Variants in KMT2E observed in about 807,000 individuals in gnomAD.
The protein encoded by KMT2E is lysine methyltransferase 2E (inactive), also known as histone reader KMT2E.
Under a neutral mutation model 184.6 loss-of-function variants are expected in KMT2E, and 30 were observed. That is an observed-to-expected ratio of 0.16 (90% CI 0.12 to 0.22). KMT2E has a LOEUF of 0.22. KMT2E is among the 10% of genes least tolerant of loss of function. The pLI is 1.00. For missense variants in KMT2E, 2,023 were observed against 2,237.4 expected (o/e 0.90, Z 1.93); for synonymous variants, 815 against 776.5 (o/e 1.05, Z -0.82).
In KMT2E at chr7:105,112,534, C is replaced by T. The variant is rs111828689; in HGVS notation, c.4778C>T (p.Thr1593Ile). Reference sequence around the variant, plus strand: ...GGACCAAATCAAGCACTTCCTGGCACCACAAGCCAGCAAACAGTTCCAGGA... The same window carrying T: ...GGACCAAATCAAGCACTTCCTGGCATCACAAGCCAGCAAACAGTTCCAGGA... ...TSGPNQALPG[T>I]TSQQTVPGHH... Residue 1593 changes from threonine to isoleucine, a missense_variant, in exon 27 of 27, where the codon ACC becomes ATC. By Grantham distance (89) the Thr-to-Ile change is moderately conservative. Transcript: ENST00000311117. 5.0e-6 allele frequency: 8 copies of T among 1,613,964 alleles called. No homozygotes were observed. The African/African-American group carries it at 8.0e-5, about 16-fold the overall frequency.
rs748014896 is a variant in KMT2E, at chr7:105,111,969, T to C, written c.4213T>C (p.Ser1405Pro). 3.1e-6 allele frequency: 5 copies of C among 1,614,122 alleles called. No individual in the cohort carries two copies. In the East Asian group the frequency reaches 8.9e-5, roughly 29 times the overall value. The stretch of plus-strand genomic sequence containing the variant: ...AACAGAGCTCCAACAAAAACAGCTA[T>C]CAAATAACAACCAAGCACTTTCAAA... Reference protein sequence around the residue: ...LKTELQQKQLSNNNQALSKNH... With the variant: ...LKTELQQKQLPNNNQALSKNH... Residue 1405 changes from serine (S) to proline (P), a missense_variant, in exon 27 of 27, where the codon TCA becomes CCA. Physicochemically the swap from Ser to Pro is moderately conservative, Grantham distance 74 (BLOSUM62 -1). This residue lies in a region of KMT2E where 1,108 missense variants were observed against 1,050.9 expected (regional missense o/e 1.05). Transcript: ENST00000311117.
intron 3 of KMT2E, among the ~76,000 whole-genome samples, chr7:105,057,203 T>C (rs1215861944): frequency 6.6e-6 from 1 of 152,148 alleles, no homozygotes; most frequent in Non-Finnish European, 1.5e-5. Flanking sequence ...GCCCAGGACA[T>C]CTTTGTGAGT....
At chr7:105,043,709 T>G (rs1795984522) in intron 3 of KMT2E, among the ~76,000 whole-genome samples, 2 of 152,240 alleles carry the variant, frequency 1.3e-5, no homozygotes, top group South Asian at 4.1e-4. Context: ...GAGTAGTGGT[T>G]GTTCTTCCTT....
intron 15 of KMT2E, among the ~76,000 whole-genome samples, chr7:105,096,159 G>A (rs1798401713): frequency 6.7e-6 from 1 of 149,832 alleles, no homozygotes. Context: ...GGAGGCTGAG[G>A]CATGAGAACC....
In KMT2E at chr7:105,048,124, C is replaced by T. The variant is rs1261542437; in HGVS notation, c.71+7101C>T. ...TGATCATGGGTCACTGAAGCCTCCA[C>T]CTCCCAGGCCCAAGCAGTCGTCCTA... On this transcript the variant is annotated intron_variant, in intron 3 of 26. Coordinates refer to ENST00000311117, the MANE Select transcript of KMT2E (RefSeq NM_182931.3). 2.0e-5 allele frequency among the ~76,000 whole-genome samples: 3 copies of T among 152,228 alleles called. No individual in the cohort carries two copies. The East Asian group carries it at 5.8e-4, about 29-fold the overall frequency.
At chr7:105,087,663 A>G (rs1798039137) in intron 13 of KMT2E, among the ~76,000 whole-genome samples, 7 of 151,862 alleles carry the variant, frequency 4.6e-5, no homozygotes, top group South Asian at 4.2e-4. Flanking sequence ...AGCTCAGGCA[A>G]TCCACCTGCC....
At chr7:105,110,130 G>A (rs1799140184) in intron 23 of KMT2E, 150 bp from the exon 24 acceptor site, 1 of 669,046 alleles carries the variant, frequency 1.5e-6, no homozygotes, top group Admixed American at 2.7e-5. Context: ...ACTGTGCCCT[G>A]CCAAGATTAA....
rs1454626433 is a variant in KMT2E, at chr7:105,076,868, AATTT to A, written c.769-94_769-91del. 7.5e-6 allele frequency: 6 copies of A among 804,394 alleles called. No homozygotes were observed. In the Admixed American group the frequency reaches 1.4e-4, roughly 18 times the overall value. The allele number at this position is 804,394 out of a possible 1,614,324, so 49.8% of individuals were successfully genotyped here. A position where few individuals can be genotyped will look rare whatever the true frequency, so the allele number is the denominator to read the frequency against. On this transcript the variant is annotated intron_variant, in intron 9 of 26. Coordinates refer to ENST00000311117, the MANE Select transcript of KMT2E (RefSeq NM_182931.3). ...ATGTTCTTTTGTATAGATTGCCGTT[AATTT>A]TGTGTGTGTGTGTGTGTGTGTGTGT...
At chr7:105,075,137 T>C (rs2129567997) in intron 8 of KMT2E, among the ~76,000 whole-genome samples, 2 of 151,804 alleles carry the variant, frequency 1.3e-5, no homozygotes, top group South Asian at 4.2e-4. Flanking sequence ...CTGTCTGACA[T>C]AATCCACTTA....
intron 1 of KMT2E, among the ~76,000 whole-genome samples, chr7:105,022,086 C>A (rs889991150): frequency 3.3e-5 from 5 of 152,056 alleles, no homozygotes; most frequent in African/African-American, 1.2e-4. Context: ...CCCTTACAGC[C>A]CTTATTACTG....
At chr7:105,034,212 A>C (rs1795540820) in intron 1 of KMT2E, among the ~76,000 whole-genome samples, 1 of 152,150 alleles carries the variant, frequency 6.6e-6, no homozygotes, top group Non-Finnish European at 1.5e-5. Flanking sequence ...ATTGTGGTAC[A>C]ATGTCCTGAC....
In KMT2E at chr7:105,076,997, G is replaced by T; in HGVS notation, c.803G>T (p.Gly268Val). 1.9e-6 allele frequency: 3 copies of T among 1,605,926 alleles called. No homozygotes were observed. The highest frequency in any genetic ancestry group is 2.6e-6 in the Non-Finnish European group (3 of 1,175,360). ...SAPEIDPSSD[G>V]SNFGWETKIK... ...CCAGAGATTGATCCTTCATCTGATG[G>T]TTCAAATTTTGGATGGGAGACAAAG... The change falls in exon 10 of 27, where the codon GGT becomes GTT. Residue 268 changes from glycine to valine, a missense_variant. Transcript: ENST00000311117.
At chr7:105,079,136 C>CTTTT (rs375440773) in intron 12 of KMT2E, among the ~76,000 whole-genome samples, 173 bp downstream of exon 12, 1 of 135,718 alleles carries the variant, frequency 7.4e-6, no homozygotes, top group East Asian at 2.1e-4. Flanking sequence ...GCTATGAAGT[C>CTTTT]TTTTTTTTTT....
intron 15 of KMT2E, among the ~76,000 whole-genome samples, chr7:105,098,826 A>G (rs1447553047): frequency 1.3e-5 from 2 of 152,210 alleles, no homozygotes; most frequent in African/African-American, 2.4e-5. Flanking sequence ...GACATATGTC[A>G]TAAAAACAAT....
At chr7:105,059,993 T>TGTTTG (rs1474473806) in intron 3 of KMT2E, among the ~76,000 whole-genome samples, 214 of 106,892 alleles carry the variant, frequency 2.0e-3, no homozygotes, top group African/African-American at 9.5e-3. Flanking sequence ...TTTTTTTTTT[T>TGTTTG]TTTTTTTTTT....
At chr7:105,055,986 A>G (rs905287629) in intron 3 of KMT2E, among the ~76,000 whole-genome samples, 3 of 150,276 alleles carry the variant, frequency 2.0e-5, no homozygotes, top group Admixed American at 6.7e-5. Flanking sequence ...TCAAATGTTT[A>G]TTGATTGAAA....
intron 6 of KMT2E, among the ~76,000 whole-genome samples, chr7:105,071,210 C>T (rs984855007): frequency 2.0e-5 from 3 of 152,124 alleles, no homozygotes; most frequent in African/African-American, 4.8e-5. Flanking sequence ...CTCTATTCAA[C>T]TAGTTGCCTT....
At chr7:105,082,819 T>TA (rs1300202304) in intron 13 of KMT2E, among the ~76,000 whole-genome samples, 3 of 152,206 alleles carry the variant, frequency 2.0e-5, no homozygotes, top group African/African-American at 7.2e-5. Context: ...GTCCATATCA[T>TA]AAAAAAGTAA....
rs202175170 is a variant in KMT2E at position 105,021,849 on chromosome 7, CAT to C, written c.-189+7315_-189+7316del. On this transcript the variant is annotated intron_variant, in intron 1 of 26. Transcript: ENST00000311117. ...TTTAATTAAAAAATTGCCACACACA[CAT>C]GATGAGGAATGCTAAAAAACCAAGA... Among the ~76,000 whole-genome samples, 619 of 152,174 alleles carry C rather than the reference CAT, an allele frequency of 4.1e-3. 8 individuals are homozygous for C. Among genetic ancestry groups the C allele is most frequent in the African/African-American group, 0.013 (535 of 41,504 alleles).
Sources: gnomAD v4.1 joint callset for allele counts (sites outside exome capture counted in the v4.1 genomes callset) on GRCh38, gnomAD v4.1.1 for gene constraint, gnomAD v4.1.1 regional missense constraint, MANE v1.5 for transcripts, NCBI Gene and HGNC (gene_info 2026-07-23, HGNC 2026-07-21) for gene names.